Variants in OSBPL3 observed in about 807,000 individuals in gnomAD.
OSBPL3 encodes oxysterol-binding protein-related protein 3.
In OSBPL3, 65 loss-of-function variants were observed where a neutral mutation model predicts 120.1. The ratio of observed to expected loss-of-function variants is 0.54; its 90% confidence interval spans 0.44 to 0.67. The LOEUF is 0.67. Among genes scored for constraint, OSBPL3 ranks in the 30% least tolerant of loss-of-function variants. The pLI, the probability that OSBPL3 is intolerant of heterozygous loss-of-function variation, is 0.00. For missense variants in OSBPL3, 1,004 were observed against 1,082.1 expected (o/e 0.93, Z 1.01); for synonymous variants, 416 against 402.6 (o/e 1.03, Z -0.40).
Position 24,952,216 on chromosome 7 carries a change from G to A in OSBPL3, c.-150+27670C>T, listed in dbSNP as rs1814524577. Among the ~76,000 whole-genome samples, 2 of 152,156 alleles carry A rather than the reference G, an allele frequency of 1.3e-5. No individual in the cohort carries two copies. The highest frequency in any genetic ancestry group is 1.3e-4 in the Admixed American group (2 of 15,276). On this transcript the variant is annotated intron_variant, in intron 1 of 22. Transcript: ENST00000313367. This position sits in a 1 kb window ranked among gnomAD's most constrained non-coding sequence, Gnocchi z 4.4. Reference sequence around the variant, plus strand: ...ATGATGCACAAAATTCTGCTCAATAGGCTGATATTTCATGTGGGTTAGGAT... The same window carrying A: ...ATGATGCACAAAATTCTGCTCAATAAGCTGATATTTCATGTGGGTTAGGAT...
intron 1 of OSBPL3, among the ~76,000 whole-genome samples, chr7:24,970,100 CTTTCT>C (rs1365983264): frequency 4.3e-5 from 6 of 139,562 alleles, no homozygotes; most frequent in African/African-American, 1.1e-4. Flanking sequence ...CCCTTCGTCC[CTTTCT>C]TTTTTTTTTT....
chr7:24,929,660 C>A (rs545934909), intron 1 of OSBPL3, among the ~76,000 whole-genome samples: 1 of 152,182 alleles, frequency 6.6e-6, no homozygotes, highest in African/African-American at 2.4e-5. Flanking sequence ...ATGGAAGGCT[C>A]CCTCCTTGCC....
rs150771111 is a variant in OSBPL3 at position 24,844,669 on chromosome 7, T to A, written c.1267-2256A>T. The stretch of plus-strand genomic sequence containing the variant: ...AAATAACATTGCAAGATAGTTTTTT[T>A]TCAAAATTAAACTGTATTCTGAAAA... On this transcript the variant is annotated intron_variant, in intron 12 of 22. Coordinates refer to ENST00000313367, the MANE Select transcript of OSBPL3 (RefSeq NM_015550.4). Among the ~76,000 whole-genome samples, 394 of 152,278 alleles carry A rather than the reference T, an allele frequency of 2.6e-3. 1 individual carries two copies. The highest frequency in any genetic ancestry group is 4.3e-3 in the Non-Finnish European group (293 of 68,034).
intron 1 of OSBPL3, among the ~76,000 whole-genome samples, chr7:24,970,383 G>C (rs1816871105): frequency 6.6e-6 from 1 of 152,146 alleles, no homozygotes; most frequent in Non-Finnish European, 1.5e-5. Context: ...TGGGATTATA[G>C]GCGTGAGCCA....
chr7:24,870,603 T>G, intron 5 of OSBPL3, 129 bp downstream of exon 5: 2 of 652,294 alleles, frequency 3.1e-6, no homozygotes, highest in Non-Finnish European at 5.7e-6. Context: ...ACACTGTACA[T>G]GAGAAACACT....
At chr7:24,826,686 G>T (rs946673335) in intron 16 of OSBPL3, among the ~76,000 whole-genome samples, 5 of 152,268 alleles carry the variant, frequency 3.3e-5, no homozygotes, top group Admixed American at 2.0e-4. Context: ...CCGTTTTGGA[G>T]ATCAAGTAAG....
At position 24,806,690 on chromosome 7, in the gene OSBPL3, G is replaced by T; in HGVS notation, c.2444+86C>A. The T allele has an allele frequency of 8.3e-7, 1 of 1,204,796 alleles. No individual in the cohort carries two copies. Among genetic ancestry groups the T allele is most frequent in the Non-Finnish European group, 1.2e-6 (1 of 853,762 alleles). 74.6% of individuals were successfully genotyped at this position (1,204,796 alleles called of 1,614,324 possible). ...ATGACATTTTCCACCTTTCTCAGGT[G>T]CCTCTGGTGGCCTAAGGATTGTTAA... On this transcript the variant is annotated intron_variant, in intron 21 of 22. Transcript: ENST00000313367. The surrounding 1 kb of genome is among the most constrained non-coding windows in gnomAD (Gnocchi z 5.2).
rs1812951867 is a variant in OSBPL3 at position 24,940,478 on chromosome 7, G to T, written c.-150+39408C>A. Among the ~76,000 whole-genome samples the T allele has an allele frequency of 6.6e-6, 1 of 152,194 alleles. No homozygotes were observed. The highest frequency in any genetic ancestry group is 1.5e-5 in the Non-Finnish European group (1 of 68,044). On this transcript the variant is annotated intron_variant, in intron 1 of 22. Coordinates refer to ENST00000313367, the MANE Select transcript of OSBPL3 (RefSeq NM_015550.4). The surrounding 1 kb of genome is among the most constrained non-coding windows in gnomAD (Gnocchi z 4.4). ...GACCAGACAGGCTGAACAGGGTGCA[G>T]ATCAGGGAATAAATTCACAATGAGT...
At position 24,827,661 on chromosome 7, in the gene OSBPL3, G is replaced by A. The variant is rs1476535400; in HGVS notation, c.1884+3107C>T. ...TCTAGTTTATATACATCAGTCTCTT[G>A]TAAGCTTAGTGTGAATTTATCCCTG... On this transcript the variant is annotated intron_variant, in intron 16 of 22. Transcript: ENST00000313367. The surrounding 1 kb of genome is among the most constrained non-coding windows in gnomAD (Gnocchi z 5.1). 6.6e-6 allele frequency among the ~76,000 whole-genome samples: 1 copy of A among 152,178 alleles called. No individual in the cohort carries two copies. Among genetic ancestry groups the A allele is most frequent in the Non-Finnish European group, 1.5e-5 (1 of 68,022 alleles).
intron 1 of OSBPL3, among the ~76,000 whole-genome samples, chr7:24,925,879 A>C (rs934377116): frequency 2.0e-5 from 3 of 152,254 alleles, no homozygotes; most frequent in Admixed American, 6.5e-5. Context: ...GGTTGAACAG[A>C]ATAGCAGTTT....
At chr7:24,870,971 C>T (rs1802028043) in intron 4 of OSBPL3, 126 bp from the exon 5 acceptor site, 7 of 686,424 alleles carry the variant, frequency 1.0e-5, no homozygotes, top group East Asian at 8.1e-5. Context: ...AAGCACTTAG[C>T]GTGAGCCAGT....
chr7:24,891,943 A>C lies in OSBPL3; in HGVS notation c.96+434T>G, dbSNP rs537255506. Among the ~76,000 whole-genome samples the C allele has an allele frequency of 6.6e-6, 1 of 152,220 alleles. No homozygotes were observed. The highest frequency in any genetic ancestry group is 2.1e-4 in the South Asian group (1 of 4,830). The stretch of plus-strand genomic sequence containing the variant: ...GAAGAAAGTTGGGGTGGATATTATA[A>C]TTACCAGAAAAATGATTGATTGTTT... On this transcript the variant is annotated intron_variant, in intron 2 of 22. Coordinates refer to ENST00000313367, the MANE Select transcript of OSBPL3 (RefSeq NM_015550.4). This position sits in a 1 kb window ranked among gnomAD's most constrained non-coding sequence, Gnocchi z 4.1.
chr7:24,865,566 C>A, intron 6 of OSBPL3, 101 bp from the exon 7 acceptor site: 1 of 1,120,752 alleles, frequency 8.9e-7, no homozygotes, highest in African/African-American at 1.5e-5. Context: ...CTAATGGACA[C>A]CATCTGCCTA....
At position 24,922,067 on chromosome 7, in the gene OSBPL3, A is replaced by ATACTTC. The variant is rs2128450289; in HGVS notation, c.-149-29452_-149-29447dup. Among the ~76,000 whole-genome samples the ATACTTC allele has an allele frequency of 6.6e-6, 1 of 152,348 alleles. No homozygotes were observed. The highest frequency in any genetic ancestry group is 6.5e-5 in the Admixed American group (1 of 15,302). ...CCTCAAAAACGCTTGTGGAATCTCT[A>ATACTTC]TACTTCTAACATTGTTAGTATTGTG... On this transcript the variant is annotated intron_variant, in intron 1 of 22. Coordinates refer to ENST00000313367, the MANE Select transcript of OSBPL3 (RefSeq NM_015550.4). This position sits in a 1 kb window ranked among gnomAD's most constrained non-coding sequence, Gnocchi z 4.3.
In OSBPL3 at chr7:24,916,427, C is replaced by CT. The variant is rs34508534; in HGVS notation, c.-149-23807dup. On this transcript the variant is annotated intron_variant, in intron 1 of 22. Transcript: ENST00000313367. The surrounding 1 kb of genome is among the most constrained non-coding windows in gnomAD (Gnocchi z 4.9). ...GTAATATTTTACTTTCTCCTTTGAA[C>CT]TTTTTTTTCTTTTGCCTAATTTTTT... Among the ~76,000 whole-genome samples the CT allele has an allele frequency of 4.6e-4, 70 of 151,912 alleles. No individual in the cohort carries two copies. The highest frequency in any genetic ancestry group is 1.6e-3 in the African/African-American group (66 of 41,344).
chr7:24,888,204 T>C lies in OSBPL3; in HGVS notation c.96+4173A>G, dbSNP rs544604674. 4.6e-5 allele frequency among the ~76,000 whole-genome samples: 7 copies of C among 152,324 alleles called. No homozygotes were observed. The East Asian group carries it at 1.3e-3, about 29-fold the overall frequency. On this transcript the variant is annotated intron_variant, in intron 2 of 22. Coordinates refer to ENST00000313367, the MANE Select transcript of OSBPL3 (RefSeq NM_015550.4). The stretch of plus-strand genomic sequence containing the variant: ...TATGGGCATTCAGGACTTTCACAAA[T>C]AAGACTTGAAGGTCAAATTAATGTT...
chr7:24,844,061 C>T (rs536515931), intron 12 of OSBPL3, among the ~76,000 whole-genome samples: 1 of 152,308 alleles, frequency 6.6e-6, no homozygotes, highest in East Asian at 1.9e-4. Flanking sequence ...ATATTCCTAG[C>T]CCCTAGCCCT....
In OSBPL3 at chr7:24,797,107, G is replaced by C. The variant is rs969287691; in HGVS notation, c.*3076C>G. ...CATAACTTGTAGTGTATGTAGTAGG[G>C]GCTACATCAAGGTTCAACAGCCAAA... is the stretch of plus-strand genomic sequence containing the variant. On this transcript the variant is annotated 3_prime_UTR_variant, in exon 23 of 23. Transcript: ENST00000313367. This position sits in a 1 kb window ranked among gnomAD's most constrained non-coding sequence, Gnocchi z 4.8. 2 of 152,110 alleles carry C rather than the reference G, an allele frequency of 1.3e-5. No homozygotes were observed. The highest frequency in any genetic ancestry group is 4.8e-5 in the African/African-American group (2 of 41,418). 9.4% of individuals were successfully genotyped at this position (152,110 alleles called of 1,614,324 possible).
intron 1 of OSBPL3, among the ~76,000 whole-genome samples, chr7:24,929,018 G>A (rs1484074942): frequency 6.6e-6 from 1 of 152,158 alleles, no homozygotes; most frequent in Non-Finnish European, 1.5e-5. Context: ...GAAGCAGTAC[G>A]ACGGGCCAGA....
Sources: allele counts gnomAD v4.1 joint callset (sites outside exome capture counted in the v4.1 genomes callset), GRCh38; gene constraint gnomAD v4.1.1; non-coding constraint Gnocchi (gnomAD v3.1); transcripts MANE v1.5; gene names NCBI Gene and HGNC (gene_info 2026-07-23, HGNC 2026-07-21).